The following OTUD7A variants were observed in gnomAD, a reference collection of about 807,000 sequenced individuals.
OTUD7A encodes OTU deubiquitinase 7A, also known as OTU domain-containing protein 7A.
A neutral mutation model predicts 65.7 loss-of-function variants in OTUD7A; 12 were observed. The ratio of observed to expected loss-of-function variants is 0.18; its 90% CI spans 0.12 to 0.30. The LOEUF (loss-of-function observed/expected upper bound fraction) is 0.30. Ranked by LOEUF, OTUD7A falls within the 10% of genes least tolerant of loss-of-function variation. The pLI is 1.00. For missense variants in OTUD7A, 1,148 were observed against 1,304.8 expected (o/e 0.88, Z 1.85); for synonymous variants, 641 against 586.3 (o/e 1.09, Z -1.35).
At chr15:31,867,893 A>T in intron 1 of OTUD7A, among the ~76,000 whole-genome samples, 1 of 139,536 alleles carries the variant, frequency 7.2e-6, no homozygotes, top group South Asian at 2.6e-4. Context: ...GAAGACAGGC[A>T]TGCGGGAGCG....
At position 31,593,771 on chromosome 15, in the gene OTUD7A, T is replaced by C. The variant is rs537289461; in HGVS notation, c.152-23574A>G. Among the ~76,000 whole-genome samples, 27 of 152,280 alleles carry C rather than the reference T, an allele frequency of 1.8e-4. No individual in the cohort carries two copies. In the East Asian group the frequency reaches 4.3e-3, roughly 24 times the overall value. On this transcript the variant is annotated intron_variant, in intron 3 of 12. Transcript: ENST00000307050. ...GATGAATTTTTAAAAAACATATAAG[T>C]TGATTTTAAAGAGAAATAAATGAAT...
intron 1 of OTUD7A, among the ~76,000 whole-genome samples, chr15:31,682,114 A>G (rs36102339): frequency 1.1e-4 from 16 of 151,936 alleles, no homozygotes; most frequent in African/African-American, 3.2e-4. Flanking sequence ...ATTGGGGAAG[A>G]GGTATGGACA....
At chr15:31,601,856 G>A (rs1890085737) in intron 3 of OTUD7A, among the ~76,000 whole-genome samples, 1 of 152,142 alleles carries the variant, frequency 6.6e-6, no homozygotes, top group African/African-American at 2.4e-5. Flanking sequence ...AAATCTAGAA[G>A]AAACGGATAA....
rs1230179202 is a variant in OTUD7A, at chr15:31,498,030, T to C, written c.1171+3660A>G. 6.6e-6 allele frequency among the ~76,000 whole-genome samples: 1 copy of C among 152,174 alleles called. No individual in the cohort carries two copies. Among genetic ancestry groups the C allele is most frequent in the Non-Finnish European group, 1.5e-5 (1 of 68,026 alleles). ...CTGCTGGCCAGGCCGAGAGCTAACA[T>C]GTACACATGGGTATGCTCTGCACGG... is the stretch of plus-strand genomic sequence containing the variant. On this transcript the variant is annotated intron_variant, in intron 10 of 12. Coordinates refer to ENST00000307050, the MANE Select transcript of OTUD7A (RefSeq NM_001382637.1). The surrounding 1 kb of genome is among the most constrained non-coding windows in gnomAD (Gnocchi z 4.2).
intron 1 of OTUD7A, among the ~76,000 whole-genome samples, chr15:31,859,797 C>T (rs1897673304): frequency 6.6e-6 from 1 of 152,152 alleles, no homozygotes; most frequent in South Asian, 2.1e-4. Flanking sequence ...TTTTAAAGTA[C>T]CCCTATCGTT....
At chr15:31,826,260 C>T (rs1896795357) in intron 1 of OTUD7A, among the ~76,000 whole-genome samples, 1 of 152,246 alleles carries the variant, frequency 6.6e-6, no homozygotes. Context: ...CATTTCCATA[C>T]ATCTTTTGAA....
At chr15:31,853,816 C>T (rs1897491846) in intron 1 of OTUD7A, among the ~76,000 whole-genome samples, 3 of 152,212 alleles carry the variant, frequency 2.0e-5, no homozygotes, top group Admixed American at 1.3e-4. Flanking sequence ...TGGCTTCACC[C>T]TCATCCTTCT....
chr15:31,696,112 A>G (rs1384461809), intron 1 of OTUD7A, among the ~76,000 whole-genome samples: 3 of 151,250 alleles, frequency 2.0e-5, no homozygotes, highest in Non-Finnish European at 3.0e-5. Flanking sequence ...GATTTGGTGT[A>G]GCTGTGGGTG....
At chr15:31,739,223 C>A (rs1480454816) in intron 1 of OTUD7A, among the ~76,000 whole-genome samples, 1 of 152,104 alleles carries the variant, frequency 6.6e-6, no homozygotes, top group Admixed American at 6.5e-5. Flanking sequence ...AGGGACCCAA[C>A]AAACACCTGT....
rs1342223464 is a variant in OTUD7A at position 31,475,720 on chromosome 15, G to A, written c.*7574C>T. 1 of 152,196 alleles carries A rather than the reference G, an allele frequency of 6.6e-6. No individual in the cohort carries two copies. Among genetic ancestry groups the A allele is most frequent in the African/African-American group, 2.4e-5 (1 of 41,452 alleles). 9.4% of individuals were successfully genotyped at this position (152,196 alleles called of 1,614,324 possible). ...ATGGACCGGATTGAAAAGGATATTT[G>A]CATTGAATTGGAATTAACACCTGCA... On this transcript the variant is annotated 3_prime_UTR_variant, in exon 13 of 13. Coordinates refer to ENST00000307050, the MANE Select transcript of OTUD7A (RefSeq NM_001382637.1).
At chr15:31,567,201 C>T (rs1888902669) in intron 4 of OTUD7A, among the ~76,000 whole-genome samples, 1 of 152,148 alleles carries the variant, frequency 6.6e-6, no homozygotes, top group East Asian at 1.9e-4. Context: ...AGAGTCAAGG[C>T]TGAGGAGGTC....
chr15:31,614,149 G>T (rs1890514669), intron 3 of OTUD7A, among the ~76,000 whole-genome samples: 2 of 152,142 alleles, frequency 1.3e-5, no homozygotes, highest in South Asian at 2.1e-4. Flanking sequence ...GGACTTGGGG[G>T]AAGAATGGGA....
intron 8 of OTUD7A, among the ~76,000 whole-genome samples, chr15:31,509,030 G>T (rs1474816277): frequency 6.6e-6 from 1 of 152,092 alleles, no homozygotes; most frequent in African/African-American, 2.4e-5. Flanking sequence ...ACATTAATGT[G>T]CTATTAATGT....
intron 1 of OTUD7A, among the ~76,000 whole-genome samples, chr15:31,693,855 GC>G (rs2141320384): frequency 6.6e-6 from 1 of 152,268 alleles, no homozygotes; most frequent in Admixed American, 6.5e-5. Flanking sequence ...GGTCTAAAAA[GC>G]CACCACAGCT....
chr15:31,720,453 G>A (rs1893704975), intron 1 of OTUD7A, among the ~76,000 whole-genome samples: 1 of 149,758 alleles, frequency 6.7e-6, no homozygotes, highest in Non-Finnish European at 1.5e-5. Context: ...AGGCTGGAGT[G>A]CGGTGGCGCG....
intron 1 of OTUD7A, among the ~76,000 whole-genome samples, chr15:31,848,362 A>C (rs1296521503): frequency 6.6e-6 from 1 of 152,168 alleles, no homozygotes; most frequent in African/African-American, 2.4e-5. Flanking sequence ...CGTGCAGACC[A>C]GTCTGCCTGG....
intron 3 of OTUD7A, among the ~76,000 whole-genome samples, chr15:31,635,150 C>T (rs1174249313): frequency 1.3e-5 from 2 of 152,202 alleles, no homozygotes; most frequent in Non-Finnish European, 2.9e-5. Flanking sequence ...AAGCAAAGCT[C>T]CATTCATAGT....
chr15:31,589,484 G>A (rs931638833), intron 3 of OTUD7A, among the ~76,000 whole-genome samples: 2 of 71,762 alleles, frequency 2.8e-5, no homozygotes, highest in Non-Finnish European at 4.9e-5. Flanking sequence ...TTTTTTTTCT[G>A]TAGAGACGGG....
At chr15:31,833,046 C>T (rs766801830) in intron 1 of OTUD7A, among the ~76,000 whole-genome samples, 10 of 152,318 alleles carry the variant, frequency 6.6e-5, no homozygotes, top group Non-Finnish European at 7.4e-5. Context: ...GCTCCAACTT[C>T]CCCAATTCCT....
Sources: gnomAD v4.1 joint callset for allele counts (sites outside exome capture counted in the v4.1 genomes callset) on GRCh38, gnomAD v4.1.1 for gene constraint, Gnocchi (gnomAD v3.1) non-coding constraint, MANE v1.5 for transcripts, NCBI Gene and HGNC (gene_info 2026-07-23, HGNC 2026-07-21) for gene names.